The following TMEM276 variants were observed in gnomAD, a reference collection of about 807,000 sequenced individuals.
The protein encoded by TMEM276 is transmembrane protein 276.
chr8:144,466,335 C>T, the TMEM276 span: 1 of 402,768 alleles, frequency 2.5e-6, no homozygotes, highest in Non-Finnish European at 3.7e-6. Flanking sequence ...AGCATGCGCA[C>T]CGGCACTGCG....
chr8:144,466,726 C>T, the TMEM276 span: 2 of 1,483,124 alleles, frequency 1.3e-6, no homozygotes, highest in Non-Finnish European at 1.8e-6. Flanking sequence ...GCTGCCTGCC[C>T]CCCTCCTCAG....
chr8:144,466,150 G>A, the TMEM276 span: 2 of 163,718 alleles, frequency 1.2e-5, no homozygotes, highest in African/African-American at 4.8e-5. Context: ...GGAGGGTCGC[G>A]GGAGCCGTGG....
the TMEM276 span, chr8:144,465,730 C>A: frequency 6.3e-5 from 2 of 31,996 alleles, no homozygotes; most frequent in Admixed American, 3.9e-4. Context: ...GGGGCGGGGT[C>A]TGGGCGGGGC....
the TMEM276 span, chr8:144,466,836 C>T: frequency 1.6e-5 from 24 of 1,536,668 alleles, no homozygotes; most frequent in South Asian, 2.7e-4. Flanking sequence ...ACCGGCCTGG[C>T]CGGTAGGTGC....
chr8:144,466,444 A>G, the TMEM276 span: 1 of 1,361,010 alleles, frequency 7.3e-7, no homozygotes, highest in Non-Finnish European at 9.6e-7. Flanking sequence ...CTCGTTGCTC[A>G]TCTACATCTT....
At chr8:144,463,851 G>C in the TMEM276 span, 2 of 1,335,944 alleles carry the variant, frequency 1.5e-6, no homozygotes, top group Non-Finnish European at 1.9e-6. Flanking sequence ...AAGATTTATT[G>C]GAGACTAGGC....
At chr8:144,464,239 T>C in the TMEM276 span, 1 of 1,612,552 alleles carries the variant, frequency 6.2e-7, no homozygotes, top group Middle Eastern at 1.7e-4. Flanking sequence ...CCTGTCCTCC[T>C]CCAGCCGGCT....
chr8:144,465,507 G>A, the TMEM276 span: 1 of 918,788 alleles, frequency 1.1e-6, no homozygotes, highest in Non-Finnish European at 1.3e-6. Context: ...GGAGGCTAGA[G>A]CGGCCGGGCG....
chr8:144,464,611 G>A, the TMEM276 span: 3 of 1,605,524 alleles, frequency 1.9e-6, no homozygotes, highest in Non-Finnish European at 2.5e-6. Context: ...CCCTCGACTT[G>A]CCTGTCAACA....
At chr8:144,465,367 C>T in the TMEM276 span, 4 of 1,046,478 alleles carry the variant, frequency 3.8e-6, no homozygotes, top group Non-Finnish European at 3.5e-6. Context: ...CTGCGCGGTC[C>T]CAACGCAGCG....
chr8:144,464,705 G>C, the TMEM276 span: 8 of 1,580,358 alleles, frequency 5.1e-6, no homozygotes, highest in Non-Finnish European at 6.9e-6. Flanking sequence ...TGGAGACCTG[G>C]TCTTAGACGC....
At chr8:144,464,252 G>C in the TMEM276 span, 2 of 1,612,984 alleles carry the variant, frequency 1.2e-6, no homozygotes, top group Non-Finnish European at 1.7e-6. Context: ...AGCCGGCTCA[G>C]GAGGCCTGCC....
the TMEM276 span, chr8:144,464,133 C>T: frequency 9.3e-6 from 15 of 1,607,732 alleles, no homozygotes; most frequent in South Asian, 1.3e-4. Context: ...ACTGTCACTC[C>T]CACTGGAGGC....
At chr8:144,466,417 C>A in the TMEM276 span, 1 of 1,311,294 alleles carries the variant, frequency 7.6e-7, no homozygotes, top group South Asian at 1.8e-5. Flanking sequence ...GCCCCGCGCT[C>A]CCATGTACGC....
chr8:144,466,667 C>T, the TMEM276 span: 16 of 1,151,718 alleles, frequency 1.4e-5, no homozygotes, highest in East Asian at 2.8e-4. Context: ...GAAGCGTAGA[C>T]TTCGGCCCCA....
chr8:144,465,171 AGCCCTGGG>A, the TMEM276 span: 1 of 1,372,922 alleles, frequency 7.3e-7, no homozygotes, highest in Non-Finnish European at 9.5e-7. Flanking sequence ...GGGGAACGTC[AGCCCTGGG>A]GCCCTGGAGC....
the TMEM276 span, chr8:144,465,096 C>T: frequency 2.7e-6 from 4 of 1,504,806 alleles, no homozygotes; most frequent in African/African-American, 1.4e-5. Context: ...ACTGCACACA[C>T]CTGTGGAGAA....
chr8:144,464,959 A>C, the TMEM276 span: 1 of 1,590,572 alleles, frequency 6.3e-7, no homozygotes, highest in South Asian at 1.1e-5. Flanking sequence ...AACTTTGGAG[A>C]GGAAGGAAGC....
At chr8:144,465,017 C>G in the TMEM276 span, 2 of 1,536,838 alleles carry the variant, frequency 1.3e-6, no homozygotes, top group Non-Finnish European at 1.7e-6. Flanking sequence ...CTAGTAAGCC[C>G]AGGTTCCAGG....
Sources: gnomAD v4.1 joint callset for allele counts on GRCh38, gnomAD v4.1.1 for gene constraint, MANE v1.5 for transcripts, NCBI Gene and HGNC (gene_info 2026-07-23, HGNC 2026-07-21) for gene names.